PTP4A3: variants seen among roughly 807,000 people sequenced by gnomAD.
PTP4A3 encodes the protein protein tyrosine phosphatase 4A3.
Under a neutral mutation model 15.2 loss-of-function variants are expected in PTP4A3, and 9 were observed. The observed-to-expected ratio is 0.59, with a 90% CI of 0.36 to 1.03. The LOEUF is 1.03. PTP4A3 is among the 50% of genes least tolerant of loss of function. The pLI, the probability that PTP4A3 is intolerant of heterozygous loss-of-function variation, is 0.02. For missense variants in PTP4A3, 234 were observed against 252.1 expected (o/e 0.93, Z 0.49); for synonymous variants, 95 against 102.0 (o/e 0.93, Z 0.41).
chr8:141,420,649 C>T (rs377247140), intron 1 of PTP4A3, among the ~76,000 whole-genome samples: 5 of 152,368 alleles, frequency 3.3e-5, no homozygotes, highest in East Asian at 3.9e-4. Context: ...GTTCTGTCCC[C>T]GCCTCCCTGA....
At chr8:141,420,463 G>T (rs1019588864) in intron 1 of PTP4A3, among the ~76,000 whole-genome samples, 1 of 152,216 alleles carries the variant, frequency 6.6e-6, no homozygotes, top group Non-Finnish European at 1.5e-5. Context: ...TTGCCTGGGA[G>T]CTTTGGGGTC....
chr8:141,427,031 C>T lies in PTP4A3; in HGVS notation c.291C>T (p.Gly97=). The part of the protein sequence containing the change: ...LVKAKFCEAP[G]SCVAVHCVAG... ...AGGCCAAGTTCTGTGAGGCCCCCGG[C>T]AGCTGCGTGGCTGTGCACTGCGTGG... Residue 97 remains glycine (G), a synonymous_variant, in exon 4 of 6, where the codon GGC becomes GGT. Coordinates refer to ENST00000521578, the MANE Select transcript of PTP4A3 (RefSeq NM_032611.3). 6.2e-7 allele frequency: 1 copy of T among 1,601,676 alleles called. No homozygotes were observed. The highest frequency in any genetic ancestry group is 8.5e-7 in the Non-Finnish European group (1 of 1,179,800).
intron 3 of PTP4A3, chr8:141,426,509 C>G: frequency 1.0e-6 from 1 of 985,432 alleles, no homozygotes; most frequent in Non-Finnish European, 1.2e-6. Flanking sequence ...TGCCAGCCAT[C>G]TTTGCATGCC....
intron 1 of PTP4A3, among the ~76,000 whole-genome samples, chr8:141,418,205 C>T (rs1833144287): frequency 6.6e-6 from 1 of 152,194 alleles, no homozygotes; most frequent in African/African-American, 2.4e-5. Flanking sequence ...CCCGCCTCAG[C>T]CCTGACCGCG....
intron 1 of PTP4A3, among the ~76,000 whole-genome samples, chr8:141,419,656 C>G (rs1426792642): frequency 1.3e-5 from 2 of 151,726 alleles, no homozygotes; most frequent in East Asian, 3.9e-4. Flanking sequence ...ACTGCAACCT[C>G]TGCCTCCAGG....
intron 1 of PTP4A3, among the ~76,000 whole-genome samples, chr8:141,397,811 T>C (rs754497731): frequency 5.3e-5 from 8 of 152,232 alleles, no homozygotes; most frequent in Non-Finnish European, 8.8e-5. Flanking sequence ...TTTGCAGAAA[T>C]TGGACCTGAG....
intron 2 of PTP4A3, among the ~76,000 whole-genome samples, chr8:141,424,151 C>T (rs937902066): frequency 1.3e-5 from 2 of 152,126 alleles, no homozygotes; most frequent in African/African-American, 4.8e-5. Context: ...CCTGCATTCT[C>T]AGATAGTTGG....
intron 1 of PTP4A3, among the ~76,000 whole-genome samples, chr8:141,403,720 G>C (rs564992190): frequency 1.3e-5 from 2 of 152,206 alleles, no homozygotes; most frequent in Non-Finnish European, 2.9e-5. Context: ...GAAGAGAATT[G>C]CTTCCCCAGC....
chr8:141,397,212 G>A (rs1459701964), intron 1 of PTP4A3, among the ~76,000 whole-genome samples: 1 of 152,232 alleles, frequency 6.6e-6, no homozygotes, highest in Admixed American at 6.5e-5. Context: ...GTGCAGGGCT[G>A]TGCCAACCTC....
chr8:141,393,712 C>G (rs1832362430), intron 1 of PTP4A3, among the ~76,000 whole-genome samples: 1 of 152,242 alleles, frequency 6.6e-6, no homozygotes, highest in South Asian at 2.1e-4. Context: ...GGCTGGGGGC[C>G]TCAGCTGGTC....
rs774664045 is a variant in PTP4A3, at chr8:141,426,931, C to T, written c.199-8C>T. The T allele has an allele frequency of 2.5e-6, 4 of 1,610,546 alleles. No individual in the cohort carries two copies. Among genetic ancestry groups the T allele is most frequent in the East Asian group, 2.2e-5 (1 of 44,848 alleles). On this transcript the variant is annotated splice_region_variant and splice_polypyrimidine_tract_variant and intron_variant, in intron 3 of 5. Coordinates refer to ENST00000521578, the MANE Select transcript of PTP4A3 (RefSeq NM_032611.3). ...GCCGGGGGTCCTCATGTCTGCTTCCCTCCGTAGGACTGGCCGTTTGACGAT... is the reference window on the plus strand; with the variant it reads ...GCCGGGGGTCCTCATGTCTGCTTCCTTCCGTAGGACTGGCCGTTTGACGAT...
At chr8:141,412,528 C>T (rs1172392412) in intron 1 of PTP4A3, among the ~76,000 whole-genome samples, 1 of 152,210 alleles carries the variant, frequency 6.6e-6, no homozygotes, top group Non-Finnish European at 1.5e-5. Context: ...GCCCTCAGGG[C>T]CCTGTCCCCT....
intron 1 of PTP4A3, among the ~76,000 whole-genome samples, chr8:141,408,187 A>C (rs1460991499): frequency 6.6e-6 from 1 of 151,746 alleles, no homozygotes; most frequent in Non-Finnish European, 1.5e-5. Context: ...CAGAAAGCAG[A>C]CTTGTGGTTG....
intron 1 of PTP4A3, among the ~76,000 whole-genome samples, chr8:141,395,838 CG>C (rs1344722593): frequency 6.6e-6 from 1 of 152,126 alleles, no homozygotes; most frequent in Non-Finnish European, 1.5e-5. Flanking sequence ...CCATGCCCCC[CG>C]GCTCCTCTCC....
rs551460997 is a variant in PTP4A3 at position 141,432,387 on chromosome 8, G to C, written c.*1343G>C. On this transcript the variant is annotated 3_prime_UTR_variant, in exon 6 of 6. Coordinates refer to ENST00000521578, the MANE Select transcript of PTP4A3 (RefSeq NM_032611.3). ...GTGGAGAAAGGGCAACAGCTGTCCC[G>C]GATGGTTATTCTCTCCTTTCCTCAA... 1 of 152,212 alleles carries C rather than the reference G, an allele frequency of 6.6e-6. No individual in the cohort carries two copies. Among genetic ancestry groups the C allele is most frequent in the Non-Finnish European group, 1.5e-5 (1 of 68,042 alleles). 9.4% of individuals were successfully genotyped at this position (152,212 alleles called of 1,614,324 possible). A position where few individuals can be genotyped will look rare whatever the true frequency, so the allele number is the denominator to read the frequency against.
At chr8:141,423,488 C>T (rs941951385) in intron 2 of PTP4A3, among the ~76,000 whole-genome samples, 12 of 149,784 alleles carry the variant, frequency 8.0e-5, no homozygotes, top group African/African-American at 2.5e-4. Context: ...GGTCAGGGTT[C>T]GGTGTGTGTC....
rs554561569 is a variant in PTP4A3, at chr8:141,408,001, T to C, written c.-853-13387T>C. ...GCGTGGCCCAGGGAAGCCAAAAGAT[T>C]GCACACTCCTGCAGTAGAATATAGG... On this transcript the variant is annotated intron_variant, in intron 1 of 5. Transcript: ENST00000521578. Among the ~76,000 whole-genome samples the C allele has an allele frequency of 3.3e-5, 5 of 152,244 alleles. No homozygotes were observed. The South Asian group carries it at 1.0e-3, about 32-fold the overall frequency.
intron 2 of PTP4A3, among the ~76,000 whole-genome samples, chr8:141,422,875 C>A (rs533781298): frequency 1.3e-5 from 2 of 152,320 alleles, no homozygotes; most frequent in South Asian, 4.1e-4. Context: ...AGATACCTGC[C>A]GCTGGCAACC....
intron 2 of PTP4A3, among the ~76,000 whole-genome samples, chr8:141,422,900 G>C (rs998759916): frequency 6.6e-6 from 1 of 152,256 alleles, no homozygotes; most frequent in South Asian, 2.1e-4. Flanking sequence ...CAGATGGGAC[G>C]AGATGCGTTT....
Sources: allele counts gnomAD v4.1 joint callset (sites outside exome capture counted in the v4.1 genomes callset), GRCh38; gene constraint gnomAD v4.1.1; transcripts MANE v1.5; gene names NCBI Gene and HGNC (gene_info 2026-07-23, HGNC 2026-07-21).